Variants in CFAP52 observed in about 807,000 individuals in gnomAD.
The protein encoded by CFAP52 is cilia- and flagella-associated protein 52.
In CFAP52, 57 loss-of-function variants were observed where a neutral mutation model predicts 70.5. The ratio of observed to expected loss-of-function variants is 0.81; its 90% CI spans 0.65 to 1.01. CFAP52 has a LOEUF of 1.01. Ranked by LOEUF, CFAP52 falls within the 50% of genes least tolerant of loss-of-function variation. The pLI, the probability that CFAP52 is intolerant of heterozygous loss-of-function variation, is 0.00. For synonymous variants in CFAP52, 267 were observed against 292.5 expected, an observed-to-expected ratio of 0.91 and a Z score of 0.89; for missense variants, 785 against 788.5, an observed-to-expected ratio of 1.00 and a Z score of 0.05.
At position 9,585,953 on chromosome 17, in the gene CFAP52, T is replaced by C; in HGVS notation, c.251T>C (p.Val84Ala). 1.2e-6 allele frequency: 2 copies of C among 1,613,384 alleles called. No individual in the cohort carries two copies. The highest frequency in any genetic ancestry group is 2.2e-5 in the South Asian group (2 of 91,054). Reference protein sequence around the residue: ...RSGEYIASGQVTFMGFKADII... With the variant: ...RSGEYIASGQATFMGFKADII... ...GGAGAGTACATCGCCTCCGGACAAG[T>C]CACATTCATGGGGTTCAAGGTGAAT... Residue 84 changes from valine to alanine, a missense_variant, in exon 2 of 14, where the codon GTC (valine) becomes GCC (alanine). Coordinates refer to ENST00000352665, the MANE Select transcript of CFAP52 (RefSeq NM_145054.5).
At position 9,616,031 on chromosome 17, in the gene CFAP52, G is replaced by T. The variant is rs1183317466; in HGVS notation, c.1025+3552G>T. Among the ~76,000 whole-genome samples, 11 of 151,492 alleles carry T rather than the reference G, an allele frequency of 7.3e-5. No homozygotes were observed. In the East Asian group the frequency reaches 2.2e-3, roughly 30 times the overall value. On this transcript the variant is annotated intron_variant, in intron 8 of 13. Transcript: ENST00000352665. Reference sequence around the variant, plus strand: ...CGAATAGGAACAGCTCCGGTCTACAGCTCCCAGCGTGAGCGACGCAGAAGA... The same window carrying T: ...CGAATAGGAACAGCTCCGGTCTACATCTCCCAGCGTGAGCGACGCAGAAGA...
chr17:9,597,995 C>T (rs558877665), intron 4 of CFAP52, among the ~76,000 whole-genome samples: 4 of 152,128 alleles, frequency 2.6e-5, no homozygotes, highest in Middle Eastern at 3.4e-3. Context: ...GAGACGGAGC[C>T]AGGTGTGAAT....
intron 4 of CFAP52, among the ~76,000 whole-genome samples, chr17:9,596,057 GTGTATATA>G (rs1297263954): frequency 0.018 from 1,882 of 103,526 alleles, 45 homozygotes; most frequent in East Asian, 0.087. Flanking sequence ...ATATATGTGT[GTGTATATA>G]TATATATATA....
At chr17:9,638,508 C>A in intron 11 of CFAP52, 101 bp from the exon 12 acceptor site, 2 of 1,125,502 alleles carry the variant, frequency 1.8e-6, no homozygotes, top group African/African-American at 1.5e-5. Context: ...TGGAGATAAA[C>A]CAACCCAAAT....
At chr17:9,632,846 A>G (rs372943646) in intron 9 of CFAP52, 42 bp from the exon 10 acceptor site, 2 of 1,606,716 alleles carry the variant, frequency 1.2e-6, no homozygotes, top group Non-Finnish European at 8.5e-7. Flanking sequence ...GAGAGGGTGC[A>G]TATACTGATC....
Position 9,615,398 on chromosome 17 carries a change from A to G in CFAP52, c.1025+2919A>G, listed in dbSNP as rs553758388. Among the ~76,000 whole-genome samples, 44 of 152,292 alleles carry G rather than the reference A, an allele frequency of 2.9e-4. 1 individual carries two copies. Among genetic ancestry groups the G allele is most frequent in the African/African-American group, 1.0e-3 (42 of 41,574 alleles). On this transcript the variant is annotated intron_variant, in intron 8 of 13. Coordinates refer to ENST00000352665, the MANE Select transcript of CFAP52 (RefSeq NM_145054.5). ...TTTTTCAACTCTTTATTTTCAACCT[A>G]TTAGTGTTTAGTTTTAGGTAAGTCT...
rs777042524 is a variant in CFAP52, at chr17:9,638,717, T to C, written c.1575+6T>C. 6.2e-7 allele frequency: 1 copy of C among 1,612,954 alleles called. No individual in the cohort carries two copies. Among genetic ancestry groups the C allele is most frequent in the Admixed American group, 1.7e-5 (1 of 59,960 alleles). On this transcript the variant is annotated splice_donor_region_variant and intron_variant, in intron 12 of 13. Coordinates refer to ENST00000352665, the MANE Select transcript of CFAP52 (RefSeq NM_145054.5). ...CCAGCGGAACAGACAGAAAGGTGAG[T>C]CCTCCCAGTGAGAGATGAGATCTTT...
chr17:9,585,669 T>TCACACACA, intron 1 of CFAP52, 104 bp from the exon 2 acceptor site: 1 of 1,085,092 alleles, frequency 9.2e-7, no homozygotes, highest in Non-Finnish European at 1.3e-6. Context: ...CAAGACTCTG[T>TCACACACA]CACACACACA....
At chr17:9,637,559 G>A (rs1445635934) in intron 11 of CFAP52, among the ~76,000 whole-genome samples, 1 of 152,142 alleles carries the variant, frequency 6.6e-6, no homozygotes, top group Non-Finnish European at 1.5e-5. Flanking sequence ...TCTAAGGCAG[G>A]GGTTCTATTA....
intron 1 of CFAP52, among the ~76,000 whole-genome samples, chr17:9,580,704 A>G (rs933986442): frequency 2.2e-5 from 3 of 139,142 alleles, no homozygotes; most frequent in Non-Finnish European, 4.7e-5. Context: ...AAAAAAAAAA[A>G]TGCTGTTAAA....
chr17:9,610,134 C>A (rs1909657347), intron 7 of CFAP52, among the ~76,000 whole-genome samples: 1 of 151,928 alleles, frequency 6.6e-6, no homozygotes, highest in Admixed American at 6.6e-5. Context: ...AAAATAGCAA[C>A]AATCAGGAGA....
At chr17:9,585,393 G>A (rs543331775) in intron 1 of CFAP52, among the ~76,000 whole-genome samples, 74 of 152,230 alleles carry the variant, frequency 4.9e-4, no homozygotes, top group Admixed American at 2.4e-3. Context: ...TGTTGGCCGG[G>A]CGCGGTGGCT....
chr17:9,585,669 TCACACA>T, intron 1 of CFAP52, 98 bp from the exon 2 acceptor site: 9 of 1,085,046 alleles, frequency 8.3e-6, no homozygotes, highest in Non-Finnish European at 1.1e-5. Context: ...CAAGACTCTG[TCACACA>T]CACACACACA....
intron 7 of CFAP52, among the ~76,000 whole-genome samples, chr17:9,608,995 C>G (rs1466980267): frequency 1.3e-5 from 2 of 152,070 alleles, no homozygotes; most frequent in East Asian, 1.9e-4. Flanking sequence ...AAGAGGATGA[C>G]CTTCTCGGGA....
chr17:9,627,465 T>A (rs764761966), intron 8 of CFAP52, among the ~76,000 whole-genome samples: 1 of 151,854 alleles, frequency 6.6e-6, no homozygotes, highest in African/African-American at 2.4e-5. Flanking sequence ...GATCGGACCA[T>A]TGCACTCCAG....
Position 9,598,287 on chromosome 17 carries a change from C to T in CFAP52, c.590C>T (p.Thr197Ile). Residue 197 changes from threonine (T) to isoleucine (I), a missense_variant, in exon 5 of 14, where the codon ACT becomes ATT. Physicochemically the swap from Thr to Ile is moderately conservative, Grantham distance 89. Coordinates refer to ENST00000352665, the MANE Select transcript of CFAP52 (RefSeq NM_145054.5). ...LDLPNRKIWP[T>I]ECQTGQLKRI... ...CTTCCAAATAGAAAAATCTGGCCAA[C>T]TGAGTGCCAAACAGGACAGTTGAAA... 1 of 1,612,628 alleles carries T rather than the reference C, an allele frequency of 6.2e-7. No individual in the cohort carries two copies. Among genetic ancestry groups the T allele is most frequent in the Non-Finnish European group, 8.5e-7 (1 of 1,179,718 alleles).
chr17:9,598,233 G>A lies in CFAP52; in HGVS notation c.537-1G>A, dbSNP rs773034503. 1.9e-6 allele frequency: 3 copies of A among 1,591,538 alleles called. No homozygotes were observed. In the South Asian group the frequency reaches 3.4e-5, roughly 18 times the overall value. On this transcript the variant is annotated splice_acceptor_variant, in intron 4 of 13. Coordinates refer to ENST00000352665, the MANE Select transcript of CFAP52 (RefSeq NM_145054.5). LOFTEE classifies it high-confidence loss of function. ...GTTTTTTGTTTTTTTTTTTTACATAGTGGGACAATTCGAGTATGGGAATTG... is the reference window on the plus strand; with the variant it reads ...GTTTTTTGTTTTTTTTTTTTACATAATGGGACAATTCGAGTATGGGAATTG...
rs114163639 is a variant in CFAP52, at chr17:9,580,853, T to C, written c.70+4088T>C. ...TTACAACCTTGTTGAAGGCCAGTTT[T>C]ATAGTATCTATTACAATTCTTAATG... is the stretch of plus-strand genomic sequence containing the variant. On this transcript the variant is annotated intron_variant, in intron 1 of 13. Transcript: ENST00000352665. Among the ~76,000 whole-genome samples, 1,467 of 152,340 alleles carry C rather than the reference T, an allele frequency of 9.6e-3. 31 individuals are homozygous for C. The highest frequency in any genetic ancestry group is 0.033 in the African/African-American group (1,375 of 41,578).
At chr17:9,595,687 G>A (rs1019229119) in intron 4 of CFAP52, among the ~76,000 whole-genome samples, 1 of 151,898 alleles carries the variant, frequency 6.6e-6, no homozygotes. Context: ...TGCATTCTAT[G>A]TCTGGTTTGA....
Sources: gnomAD v4.1 joint callset for allele counts (sites outside exome capture counted in the v4.1 genomes callset) on GRCh38, gnomAD v4.1.1 for gene constraint, MANE v1.5 for transcripts, NCBI Gene and HGNC (gene_info 2026-07-23, HGNC 2026-07-21) for gene names.